Variants in GABRG3 observed in about 807,000 individuals in gnomAD.
The protein encoded by GABRG3 is gamma-aminobutyric acid receptor subunit gamma-3.
Under a neutral mutation model 48.8 loss-of-function variants are expected in GABRG3, and 25 were observed. That is an observed-to-expected ratio of 0.51 (90% CI 0.37 to 0.72). The LOEUF (loss-of-function observed/expected upper bound fraction) is 0.72. Among genes scored for constraint, GABRG3 ranks in the 30% least tolerant of loss-of-function variants. The pLI, the probability that GABRG3 is intolerant of heterozygous loss-of-function variation, is 0.00. For synonymous variants in GABRG3, 227 were observed against 217.6 expected (o/e 1.04, Z -0.38); for missense variants, 394 against 577.9 (o/e 0.68, Z 3.26).
intron 3 of GABRG3, among the ~76,000 whole-genome samples, chr15:27,169,434 C>A (rs142794459): frequency 1.3e-5 from 2 of 151,876 alleles, no homozygotes; most frequent in African/African-American, 4.8e-5. Flanking sequence ...AGGGGAGGGA[C>A]GAGAAGCATG....
chr15:27,145,603 C>CTCTATCTATCTA (rs140259026), intron 3 of GABRG3, among the ~76,000 whole-genome samples: 1,029 of 102,368 alleles, frequency 0.01, 15 homozygotes, highest in East Asian at 0.051. Context: ...ATATATCTAT[C>CTCTATCTATCTA]TCTATCTATC....
chr15:27,166,277 G>T (rs1887367080), intron 3 of GABRG3, among the ~76,000 whole-genome samples: 1 of 152,096 alleles, frequency 6.6e-6, no homozygotes, highest in Non-Finnish European at 1.5e-5. Flanking sequence ...TCTTTTCTTT[G>T]AACAAATTTT....
At chr15:27,497,446 C>T (rs991102331) in intron 6 of GABRG3, among the ~76,000 whole-genome samples, 3 of 152,174 alleles carry the variant, frequency 2.0e-5, no homozygotes, top group Admixed American at 6.5e-5. Flanking sequence ...ATCTTATAGA[C>T]ATTGTTCTAG....
intron 6 of GABRG3, among the ~76,000 whole-genome samples, chr15:27,516,178 T>C (rs1223885814): frequency 6.6e-6 from 1 of 151,750 alleles, no homozygotes; most frequent in Non-Finnish European, 1.5e-5. Flanking sequence ...TACTGATTCA[T>C]TAAAATAATA....
intron 3 of GABRG3, among the ~76,000 whole-genome samples, chr15:27,280,018 C>A (rs1392576928): frequency 2.0e-5 from 3 of 151,962 alleles, no homozygotes; most frequent in Admixed American, 2.0e-4. Context: ...GAAACTGTAA[C>A]AGGTTTGTTA....
intron 3 of GABRG3, among the ~76,000 whole-genome samples, chr15:27,238,970 C>T (rs1376127534): frequency 6.6e-6 from 1 of 152,210 alleles, no homozygotes; most frequent in Non-Finnish European, 1.5e-5. Flanking sequence ...GCGGAAGTGT[C>T]AACCTAAATA....
intron 3 of GABRG3, among the ~76,000 whole-genome samples, chr15:27,036,692 A>AAAT (rs1373000142): frequency 6.6e-6 from 1 of 152,094 alleles, no homozygotes; most frequent in Non-Finnish European, 1.5e-5. Flanking sequence ...TCCATCTCAA[A>AAAT]AATAATAATA....
chr15:27,515,814 G>T (rs73371511), intron 6 of GABRG3, among the ~76,000 whole-genome samples: 10,330 of 152,208 alleles, frequency 0.068, 1,201 homozygotes, highest in African/African-American at 0.24. Flanking sequence ...TTGGAGTATT[G>T]AAAATATCTA....
chr15:27,313,211 T>C (rs2140508435), intron 3 of GABRG3, among the ~76,000 whole-genome samples: 1 of 139,066 alleles, frequency 7.2e-6, no homozygotes, highest in South Asian at 2.3e-4. Context: ...TATATATATG[T>C]ATATGTATAT....
intron 3 of GABRG3, among the ~76,000 whole-genome samples, chr15:27,267,757 A>G (rs1234620756): frequency 2.6e-5 from 4 of 152,096 alleles, no homozygotes; most frequent in African/African-American, 9.7e-5. Flanking sequence ...ATTTTGACAA[A>G]TTATTTTTCT....
chr15:27,421,207 A>G (rs1239852268), intron 5 of GABRG3, among the ~76,000 whole-genome samples: 1 of 152,240 alleles, frequency 6.6e-6, no homozygotes, highest in Non-Finnish European at 1.5e-5. Context: ...TGCTCATCAG[A>G]AAGAAGGCCC....
At chr15:27,301,536 G>T (rs1892206097) in intron 3 of GABRG3, among the ~76,000 whole-genome samples, 1 of 152,078 alleles carries the variant, frequency 6.6e-6, no homozygotes, top group African/African-American at 2.4e-5. Context: ...GTAAATGGAA[G>T]TTAGAAATAC....
chr15:27,072,112 A>G (rs939797379), intron 3 of GABRG3, among the ~76,000 whole-genome samples: 1 of 152,182 alleles, frequency 6.6e-6, no homozygotes, highest in Non-Finnish European at 1.5e-5. Context: ...ACCTCCAATC[A>G]TGCTTTCGTA....
intron 6 of GABRG3, among the ~76,000 whole-genome samples, chr15:27,508,667 A>T (rs997125801): frequency 1.6e-4 from 25 of 152,014 alleles, no homozygotes; most frequent in African/African-American, 6.0e-4. Flanking sequence ...TCTTCTGCCA[A>T]TGAATTCCCT....
chr15:27,333,646 G>A lies in GABRG3; in HGVS notation c.574+4758G>A, dbSNP rs534168744. 5.9e-5 allele frequency among the ~76,000 whole-genome samples: 9 copies of A among 152,262 alleles called. No individual in the cohort carries two copies. The South Asian group carries it at 1.9e-3, about 32-fold the overall frequency. ...GTAAAGTGACACAGTAGCAGGTTCT[G>A]GGGTTGAGCAAGTGAACGTCCTTGC... On this transcript the variant is annotated intron_variant, in intron 5 of 9. Transcript: ENST00000615808.
intron 5 of GABRG3, among the ~76,000 whole-genome samples, chr15:27,392,819 A>G (rs973154243): frequency 2.0e-5 from 3 of 152,112 alleles, no homozygotes; most frequent in African/African-American, 4.8e-5. Flanking sequence ...ACCCAACATT[A>G]CTGTATTTAT....
chr15:27,477,534 G>A (rs993952293), intron 5 of GABRG3, among the ~76,000 whole-genome samples: 4 of 152,108 alleles, frequency 2.6e-5, no homozygotes, highest in African/African-American at 4.8e-5. Flanking sequence ...CCCATAGAAC[G>A]TGCAACACCA....
At chr15:27,090,381 T>C (rs1217637205) in intron 3 of GABRG3, among the ~76,000 whole-genome samples, 1 of 152,228 alleles carries the variant, frequency 6.6e-6, no homozygotes, top group African/African-American at 2.4e-5. Flanking sequence ...AACCCCATTG[T>C]AAGCTGAGCA....
rs760501062 is a variant in GABRG3, at chr15:27,527,984, G to C, written c.1114G>C (p.Ala372Pro). 1 of 1,597,572 alleles carries C rather than the reference G, an allele frequency of 6.3e-7. No homozygotes were observed. Among genetic ancestry groups the C allele is most frequent in the Non-Finnish European group, 8.5e-7 (1 of 1,170,768 alleles). Residue 372 changes from alanine to proline, a missense_variant, in exon 9 of 10, where the codon GCC becomes CCC. By Grantham distance (27) the Ala-to-Pro change is conservative. Around this residue, in one of 3 missense-constraint regions of GABRG3, gnomAD observed 126 missense variants for 155.5 expected, o/e 0.81. Transcript: ENST00000615808. ...RWIPERISLQ[A>P]PSNYSLLDMR... Reference sequence around the variant, plus strand: ...GATTCCTGAGCGAATAAGCCTACAAGCCCCTTCCGTACGTATAGCATTGCA... The same window carrying C: ...GATTCCTGAGCGAATAAGCCTACAACCCCCTTCCGTACGTATAGCATTGCA...
Sources: allele counts gnomAD v4.1 joint callset (sites outside exome capture counted in the v4.1 genomes callset), GRCh38; gene constraint gnomAD v4.1.1; regional missense constraint gnomAD v4.1.1; transcripts MANE v1.5; gene names NCBI Gene and HGNC (gene_info 2026-07-23, HGNC 2026-07-21).